Variants in XRCC4 observed in about 807,000 individuals in gnomAD.
XRCC4 encodes X-ray repair cross complementing 4.
Under a neutral mutation model 39.1 loss-of-function variants are expected in XRCC4, and 28 were observed. The ratio of observed to expected loss-of-function variants is 0.72; its 90% CI spans 0.53 to 0.98. The LOEUF (loss-of-function observed/expected upper bound fraction) is 0.98. Among genes scored for constraint, XRCC4 ranks in the 50% least tolerant of loss-of-function variants. XRCC4 has a pLI of 0.00. For missense variants in XRCC4, 350 were observed against 376.4 expected (o/e 0.93, Z 0.58); for synonymous variants, 123 against 126.4 (o/e 0.97, Z 0.18).
intron 1 of XRCC4, among the ~76,000 whole-genome samples, chr5:83,091,864 T>G (rs1174785220): frequency 1.3e-5 from 2 of 152,186 alleles, no homozygotes; most frequent in Non-Finnish European, 2.9e-5. Flanking sequence ...TTTAAAACTT[T>G]CAGGTAAATA....
chr5:83,293,742 T>C (rs1317646771), intron 7 of XRCC4, among the ~76,000 whole-genome samples: 5 of 152,056 alleles, frequency 3.3e-5, no homozygotes, highest in Admixed American at 2.0e-4. Flanking sequence ...ACTTGTACAT[T>C]GAGTGATAGG....
In XRCC4 at chr5:83,352,991, A is replaced by T. The variant is rs1757123481; in HGVS notation, c.894-140A>T. 6.5e-6 allele frequency: 4 copies of T among 616,060 alleles called. No homozygotes were observed. In the South Asian group the frequency reaches 1.0e-4, roughly 16 times the overall value. 38.2% of individuals were successfully genotyped at this position (616,060 alleles called of 1,614,324 possible). On this transcript the variant is annotated intron_variant, in intron 7 of 7. Transcript: ENST00000396027. Reference sequence around the variant, plus strand: ...CTCTTTATCTCTTTCCTTATAGTTAATAGCATAGAGAAATAAATCTCTAAA... The same window carrying T: ...CTCTTTATCTCTTTCCTTATAGTTATTAGCATAGAGAAATAAATCTCTAAA...
At chr5:83,344,504 A>T (rs1756863729) in intron 7 of XRCC4, among the ~76,000 whole-genome samples, 1 of 148,482 alleles carries the variant, frequency 6.7e-6, no homozygotes, top group Non-Finnish European at 1.5e-5. Flanking sequence ...TACTAGGCTC[A>T]AATGATCCTC....
chr5:83,133,620 T>C (rs191886057), intron 3 of XRCC4, among the ~76,000 whole-genome samples: 1 of 152,176 alleles, frequency 6.6e-6, no homozygotes, highest in African/African-American at 2.4e-5. Flanking sequence ...TGCTGCCCCC[T>C]TGCAGTTTGA....
At chr5:83,368,756 A>G in the XRCC4 span, among the ~76,000 whole-genome samples, 247 of 152,286 alleles carry the variant, frequency 1.6e-3, 1 homozygote, top group Non-Finnish European at 3.0e-3. Context: ...CGATATACTA[A>G]ATATAATTTC....
At chr5:83,260,298 G>A (rs1357099847) in intron 7 of XRCC4, among the ~76,000 whole-genome samples, 2 of 152,004 alleles carry the variant, frequency 1.3e-5, no homozygotes, top group African/African-American at 2.4e-5. Flanking sequence ...AGTTTAAAAC[G>A]TTCCAGAAAC....
the XRCC4 span, among the ~76,000 whole-genome samples, chr5:83,373,475 A>ATAGTTAGAC: frequency 6.6e-6 from 1 of 152,200 alleles, no homozygotes; most frequent in African/African-American, 2.4e-5. Flanking sequence ...CTAACTGAAC[A>ATAGTTAGAC]ATAGAAATGC....
intron 2 of XRCC4, among the ~76,000 whole-genome samples, chr5:83,110,028 G>T (rs1218569289): frequency 6.6e-6 from 1 of 151,902 alleles, no homozygotes; most frequent in East Asian, 1.9e-4. Context: ...GGAACACTTT[G>T]CCTCAAATGT....
At position 83,116,965 on chromosome 5, in the gene XRCC4, G is replaced by A. The variant is rs1746755119; in HGVS notation, c.315+5762G>A. ...TGTAGTGAAATATTTAAAATTTTTA[G>A]CTTGTTTGTCAATATTTATACTCAT... On this transcript the variant is annotated intron_variant, in intron 3 of 7. Transcript: ENST00000396027. Among the ~76,000 whole-genome samples the A allele has an allele frequency of 3.3e-5, 5 of 152,050 alleles. No individual in the cohort carries two copies. In the South Asian group the frequency reaches 1.0e-3, roughly 32 times the overall value.
At chr5:83,168,620 A>G (rs180724502) in intron 3 of XRCC4, among the ~76,000 whole-genome samples, 4 of 152,292 alleles carry the variant, frequency 2.6e-5, no homozygotes, top group African/African-American at 9.6e-5. Flanking sequence ...AGTATGTACT[A>G]GGCCATAAAG....
chr5:83,135,612 C>T (rs181885035), intron 3 of XRCC4, among the ~76,000 whole-genome samples: 11 of 151,952 alleles, frequency 7.2e-5, no homozygotes, highest in African/African-American at 1.9e-4. Flanking sequence ...CCTGTATTGC[C>T]CCCTGCCACC....
At chr5:83,272,187 G>A (rs2112931733) in intron 7 of XRCC4, among the ~76,000 whole-genome samples, 1 of 152,188 alleles carries the variant, frequency 6.6e-6, no homozygotes, top group African/African-American at 2.4e-5. Context: ...AGCTAAAAGA[G>A]CCTAAGTTTT....
At chr5:83,101,948 A>T (rs1745959066) in intron 1 of XRCC4, among the ~76,000 whole-genome samples, 1 of 110,004 alleles carries the variant, frequency 9.1e-6, no homozygotes, top group South Asian at 3.0e-4. Context: ...TAACATACAT[A>T]GAAAAACAAC....
intron 3 of XRCC4, among the ~76,000 whole-genome samples, chr5:83,137,914 G>T (rs1289417902): frequency 6.6e-6 from 1 of 152,122 alleles, no homozygotes; most frequent in African/African-American, 2.4e-5. Flanking sequence ...TATGTTCTGG[G>T]GATGGTCTTT....
chr5:83,233,902 CA>C (rs10629125), intron 6 of XRCC4, among the ~76,000 whole-genome samples: 221 of 77,974 alleles, frequency 2.8e-3, no homozygotes, highest in Admixed American at 4.3e-3. Flanking sequence ...GACTTCATCT[CA>C]AAAAAAAAAA....
chr5:83,148,607 C>T (rs762445857), intron 3 of XRCC4, among the ~76,000 whole-genome samples: 5 of 152,024 alleles, frequency 3.3e-5, no homozygotes. Context: ...TTATAGCTTC[C>T]GTCTTCAATT....
intron 6 of XRCC4, among the ~76,000 whole-genome samples, chr5:83,235,583 G>A (rs1470714850): frequency 6.6e-6 from 1 of 152,004 alleles, no homozygotes; most frequent in Non-Finnish European, 1.5e-5. Flanking sequence ...CAAAGGTCAT[G>A]TATGACAAAC....
At chr5:83,363,535 G>A in the XRCC4 span, among the ~76,000 whole-genome samples, 9 of 152,194 alleles carry the variant, frequency 5.9e-5, no homozygotes, top group East Asian at 7.7e-4. Context: ...GTAATCCGCC[G>A]ATGCTATTCC....
chr5:83,320,811 T>C, intron 7 of XRCC4, among the ~76,000 whole-genome samples: 1 of 144,430 alleles, frequency 6.9e-6, no homozygotes. Context: ...GTACTTCTTT[T>C]TTTTTTTTTT....
Sources: gnomAD v4.1 joint callset for allele counts (sites outside exome capture counted in the v4.1 genomes callset) on GRCh38, gnomAD v4.1.1 for gene constraint, MANE v1.5 for transcripts, NCBI Gene and HGNC (gene_info 2026-07-23, HGNC 2026-07-21) for gene names.